SPATA22: variants seen among roughly 807,000 people sequenced by gnomAD.
SPATA22 encodes spermatogenesis-associated protein 22.
In SPATA22, 29 loss-of-function variants were observed where a neutral mutation model predicts 47.8. The ratio of observed to expected loss-of-function variants is 0.61; its 90% CI spans 0.45 to 0.83. The LOEUF (loss-of-function observed/expected upper bound fraction) is 0.83, where lower values mean the gene tolerates loss of function less well. Among genes scored for constraint, SPATA22 ranks in the 40% least tolerant of loss-of-function variants. The probability of loss-of-function intolerance (pLI) is 0.00; values close to 1 mark genes in which losing one functional copy is unlikely to be tolerated. For synonymous variants in SPATA22, 133 were observed against 140.9 expected, an observed-to-expected ratio of 0.94 and a Z score of 0.40; for missense variants, 410 against 421.7, an observed-to-expected ratio of 0.97 and a Z score of 0.24.
chr17:3,464,172 G>A (rs1178872107), intron 3 of SPATA22, among the ~76,000 whole-genome samples: 2 of 151,824 alleles, frequency 1.3e-5, no homozygotes, highest in Non-Finnish European at 2.9e-5. Flanking sequence ...TGGTGGAGAC[G>A]GGTTTCGCTG....
At chr17:3,504,032 T>C (rs191037517) in intron 1 of SPATA22, among the ~76,000 whole-genome samples, 23 of 152,236 alleles carry the variant, frequency 1.5e-4, no homozygotes, top group Admixed American at 1.5e-3. Flanking sequence ...TCCAGTGTCC[T>C]TCCCACTGTT....
intron 1 of SPATA22, among the ~76,000 whole-genome samples, chr17:3,507,378 T>C (rs2074050541): frequency 6.6e-6 from 1 of 152,226 alleles, no homozygotes; most frequent in Non-Finnish European, 1.5e-5. Flanking sequence ...TACCACCATC[T>C]TAAATGGAAG....
At chr17:3,492,876 G>A (rs558159557) in intron 1 of SPATA22, among the ~76,000 whole-genome samples, 4 of 152,168 alleles carry the variant, frequency 2.6e-5, no homozygotes, top group Middle Eastern at 3.4e-3. Context: ...CAGTGTAGAC[G>A]GAAGAAACTT....
chr17:3,494,601 C>T lies in SPATA22; in HGVS notation c.-74+18811G>A, dbSNP rs12948872. The T allele has an allele frequency of 0.22, 162,925 of 725,706 alleles. 19,359 individuals are homozygous for T. Among genetic ancestry groups the T allele is most frequent in the Non-Finnish European group, 0.25 (105,367 of 419,810 alleles). The allele number at this position is 725,706 out of a possible 1,614,324, so 45.0% of individuals were successfully genotyped here. On this transcript the variant is annotated intron_variant, in intron 1 of 8. Coordinates refer to the SPATA22 transcript ENST00000541913. ...ACTGAGTGTAGATAGGGAAGATGTTCGGACTGTCGCTCAATAAATACTTAT... is the reference window on the plus strand; with the variant it reads ...ACTGAGTGTAGATAGGGAAGATGTTTGGACTGTCGCTCAATAAATACTTAT...
rs1271906837 is a variant in SPATA22 at position 3,440,265 on chromosome 17, ATG to A, written c.972_973del (p.Ile325PhefsTer13). On this transcript the variant is annotated frameshift_variant, in exon 9 of 9. Coordinates refer to ENST00000572969, the MANE Select transcript of SPATA22 (RefSeq NM_001170698.2). LOFTEE classifies it high-confidence loss of function. ...CGGTCTGACAGAAACACATTGGAAA[ATG>A]TTCTTTTTCTGGTCATAGTTGCCAA... 1 of 1,611,426 alleles carries A rather than the reference ATG, an allele frequency of 6.2e-7. No individual in the cohort carries two copies. Among genetic ancestry groups the A allele is most frequent in the South Asian group, 1.1e-5 (1 of 90,672 alleles).
rs748589595 is a variant in SPATA22 at position 3,467,532 on chromosome 17, G to C, written c.66C>G (p.Phe22Leu). 4.4e-6 allele frequency: 7 copies of C among 1,606,672 alleles called. No individual in the cohort carries two copies. The highest frequency in any genetic ancestry group is 5.1e-6 in the Non-Finnish European group (6 of 1,176,772). Residue 22 changes from phenylalanine to leucine, a missense_variant, in exon 3 of 9, where the codon TTC becomes TTG. Phe to Leu is a conservative substitution (Grantham distance 22, BLOSUM62 0). Transcript: ENST00000572969. ...GCTGTCTGTTCCTCTTTTTCTGATT[G>C]AACAACGGAACAGGCAAACAGCCTA... ...STAGCLPVPL[F>L]NQKKRNRQPL...
chr17:3,446,821 A>C (rs2072737048), intron 6 of SPATA22, among the ~76,000 whole-genome samples: 1 of 152,144 alleles, frequency 6.6e-6, no homozygotes, highest in South Asian at 2.1e-4. Flanking sequence ...GAGGAGAATT[A>C]TTTATATAGG....
chr17:3,464,794 G>A (rs1174776031), intron 3 of SPATA22, among the ~76,000 whole-genome samples: 73 of 134,980 alleles, frequency 5.4e-4, no homozygotes, highest in Non-Finnish European at 1.1e-3. Context: ...CAGCCGCCCC[G>A]TCTGAGAAGT....
chr17:3,466,781 C>T (rs2073324246), intron 3 of SPATA22, among the ~76,000 whole-genome samples: 1 of 152,212 alleles, frequency 6.6e-6, no homozygotes, highest in South Asian at 2.1e-4. Context: ...AAAGCTCCCT[C>T]ATACCTTTTA....
intron 1 of SPATA22, among the ~76,000 whole-genome samples, chr17:3,484,258 T>C (rs1174266115): frequency 1.3e-5 from 2 of 152,196 alleles, no homozygotes; most frequent in African/African-American, 4.8e-5. Flanking sequence ...GACTAATATT[T>C]ATAGTGTGCC....
chr17:3,455,586 G>GT (rs1457872366), intron 5 of SPATA22, among the ~76,000 whole-genome samples: 1 of 140,874 alleles, frequency 7.1e-6, no homozygotes, highest in Non-Finnish European at 1.5e-5. Flanking sequence ...TCTCAGGTTT[G>GT]TCAAAGATCA....
chr17:3,487,834 A>G (rs2073754620), intron 1 of SPATA22, among the ~76,000 whole-genome samples: 1 of 152,224 alleles, frequency 6.6e-6, no homozygotes, highest in African/African-American at 2.4e-5. Flanking sequence ...AGGAAAGTGA[A>G]ATGGATTTGG....
chr17:3,487,881 C>T (rs918794641), intron 1 of SPATA22, among the ~76,000 whole-genome samples: 2 of 152,206 alleles, frequency 1.3e-5, no homozygotes, highest in African/African-American at 2.4e-5. Flanking sequence ...AGTATTCCTA[C>T]AGACATATCT....
intron 1 of SPATA22, among the ~76,000 whole-genome samples, chr17:3,505,756 GTTTTTTT>G (rs796099914): frequency 1.6e-4 from 4 of 24,730 alleles, no homozygotes; most frequent in Non-Finnish European, 6.9e-4. Context: ...GTTGTTTTTT[GTTTTTTT>G]TTTTTTGTTT....
chr17:3,476,397 T>TAAG (rs1567608720), upstream of SPATA22: 1 of 1,612,990 alleles, frequency 6.2e-7, no homozygotes, highest in Admixed American at 1.7e-5. Context: ...AAATCTTGGG[T>TAAG]AAGACTATGC....
In SPATA22 at chr17:3,488,539, C is replaced by T. The variant is rs188130858; in HGVS notation, c.-73-19141G>A. ...AGGAATGGTGGCCCGTGCCTGTAAT[C>T]CCAGCTACTCGGGAGGCTGAGGCAG... On this transcript the variant is annotated intron_variant, in intron 1 of 8. Coordinates refer to the SPATA22 transcript ENST00000541913. The surrounding 1 kb of genome is among the most constrained non-coding windows in gnomAD (Gnocchi z 6.1). Among the ~76,000 whole-genome samples, 1,776 of 152,274 alleles carry T rather than the reference C, an allele frequency of 0.012. 17 individuals carry two copies. Among genetic ancestry groups the T allele is most frequent in the Non-Finnish European group, 0.017 (1,184 of 68,026 alleles).
intron 3 of SPATA22, among the ~76,000 whole-genome samples, chr17:3,465,790 T>TTAAAAAAAA (rs1555536629): frequency 1.8e-4 from 27 of 147,622 alleles, no homozygotes; most frequent in Non-Finnish European, 3.9e-4. Flanking sequence ...AATAAAAATT[T>TTAAAAAAAA]AAAAAACAAA....
In SPATA22 at chr17:3,483,460, C is replaced by A. The variant is rs370678443; in HGVS notation, c.-73-14062G>T. The A allele has an allele frequency of 4.5e-6, 7 of 1,545,074 alleles. No individual in the cohort carries two copies. In the South Asian group the frequency reaches 7.8e-5, roughly 17 times the overall value. ...GTTGAAGCAAAGAGAACAAAACATA[C>A]GGTTTTTACCTAAGAAAGACGTTTT... On this transcript the variant is annotated intron_variant, in intron 1 of 8. Coordinates refer to the SPATA22 transcript ENST00000541913.
At chr17:3,464,880 G>A (rs1286339681) in intron 3 of SPATA22, among the ~76,000 whole-genome samples, 1 of 103,592 alleles carries the variant, frequency 9.7e-6, no homozygotes, top group East Asian at 2.2e-4. Flanking sequence ...CCCCGTCTGG[G>A]AGGGGGGTGG....
Sources: allele counts gnomAD v4.1 joint callset (sites outside exome capture counted in the v4.1 genomes callset), GRCh38; gene constraint gnomAD v4.1.1; non-coding constraint Gnocchi (gnomAD v3.1); transcripts MANE v1.5; gene names NCBI Gene and HGNC (gene_info 2026-07-23, HGNC 2026-07-21).